SLBP: variants seen among roughly 807,000 people sequenced by gnomAD.
The protein encoded by SLBP is stem-loop histone mRNA binding protein, also known as histone RNA hairpin-binding protein.
Under a neutral mutation model 39.2 loss-of-function variants are expected in SLBP, and 29 were observed. That is an observed-to-expected ratio of 0.74 (90% confidence interval 0.55 to 1.01). The LOEUF (loss-of-function observed/expected upper bound fraction) is 1.01, where lower values mean the gene tolerates loss of function less well. SLBP is among the 50% of genes least tolerant of loss of function. SLBP has a pLI of 0.00. For synonymous variants in SLBP, 129 were observed against 118.7 expected (o/e 1.09, Z -0.57); for missense variants, 390 against 350.2 (o/e 1.11, Z -0.91).
In SLBP at chr4:1,692,852, CG is replaced by C. The variant is rs780979779; in HGVS notation, c.*744del. On this transcript the variant is annotated 3_prime_UTR_variant, in exon 8 of 8. Transcript: ENST00000489418. ...ATATCCCATACAAAAGCAATAGAAA[CG>C]TAACAGTCTTAACAAGAAGTTTACA... 1 of 152,644 alleles carries C rather than the reference CG, an allele frequency of 6.6e-6. No homozygotes were observed. Among genetic ancestry groups the C allele is most frequent in the East Asian group, 1.9e-4 (1 of 5,182 alleles). The allele number at this position is 152,644 out of a possible 1,614,324, so 9.5% of individuals were successfully genotyped here.
intron 2 of SLBP, among the ~76,000 whole-genome samples, chr4:1,711,048 C>CT (rs1243939791): frequency 1.4e-4 from 13 of 96,058 alleles, no homozygotes; most frequent in South Asian, 1.2e-3. Flanking sequence ...GAGACCCTGT[C>CT]TTTAAAAAAA....
Position 1,699,718 on chromosome 4 carries a change from T to C in SLBP, c.342-17A>G. On this transcript the variant is annotated splice_polypyrimidine_tract_variant and intron_variant, in intron 4 of 7. Transcript: ENST00000489418. ...GAATCAGAACTGAAAAAACAACAGA[T>C]TAACAGAATAAGCCCTGCAATTAAG... The C allele has an allele frequency of 6.2e-7, 1 of 1,611,954 alleles. No individual in the cohort carries two copies. The highest frequency in any genetic ancestry group is 1.1e-5 in the South Asian group (1 of 91,042).
intron 3 of SLBP, among the ~76,000 whole-genome samples, chr4:1,702,587 T>G (rs1467688998): frequency 6.6e-6 from 1 of 152,222 alleles, no homozygotes; most frequent in Non-Finnish European, 1.5e-5. Context: ...TTAACTGGGT[T>G]TGAATAAACC....
chr4:1,706,764 A>T (rs1482899745), intron 2 of SLBP, among the ~76,000 whole-genome samples: 1 of 151,878 alleles, frequency 6.6e-6, no homozygotes, highest in Non-Finnish European at 1.5e-5. Context: ...CACCAGGCGG[A>T]GTTGCAGTGA....
At chr4:1,710,644 T>C (rs1462876395) in intron 2 of SLBP, among the ~76,000 whole-genome samples, 2 of 152,074 alleles carry the variant, frequency 1.3e-5, no homozygotes, top group African/African-American at 4.8e-5. Flanking sequence ...AGGGGAATAG[T>C]CAATTATGTA....
At chr4:1,705,781 A>G (rs1396341482) in intron 2 of SLBP, among the ~76,000 whole-genome samples, 6 of 152,220 alleles carry the variant, frequency 3.9e-5, no homozygotes, top group Admixed American at 2.6e-4. Flanking sequence ...GTATTTATAC[A>G]TTGTGAGAAG....
rs373660431 is a variant in SLBP at position 1,701,934 on chromosome 4, G to A, written c.281+1662C>T. Among the ~76,000 whole-genome samples, 7 of 152,100 alleles carry A rather than the reference G, an allele frequency of 4.6e-5. 1 individual carries two copies. The highest frequency in any genetic ancestry group is 4.1e-4 in the South Asian group (2 of 4,828). On this transcript the variant is annotated intron_variant, in intron 3 of 7. Transcript: ENST00000489418. ...AAAAATAAGTAAGTAAATAAAAGCC[G>A]TAGCTTTCCATCACAAAGGGTATAA...
Position 1,711,866 on chromosome 4 carries a change from G to A in SLBP, c.176+8C>T, listed in dbSNP as rs1461318352. The A allele has an allele frequency of 7.7e-7, 1 of 1,301,874 alleles. No homozygotes were observed. The highest frequency in any genetic ancestry group is 9.8e-7 in the Non-Finnish European group (1 of 1,021,038). The allele number at this position is 1,301,874 out of a possible 1,614,324, so 80.6% of individuals were successfully genotyped here. A position where few individuals can be genotyped will look rare whatever the true frequency, so the allele number is the denominator to read the frequency against. Reference sequence around the variant, plus strand: ...CACCGCGCCCCGACCCCCGGGTCCCGCGCCCACCTCTCGGGTCTGCGCTCG... The same window carrying A: ...CACCGCGCCCCGACCCCCGGGTCCCACGCCCACCTCTCGGGTCTGCGCTCG... On this transcript the variant is annotated splice_region_variant and intron_variant, in intron 2 of 7. Transcript: ENST00000489418.
At chr4:1,696,852 G>A (rs1428334833) in intron 5 of SLBP, among the ~76,000 whole-genome samples, 4 of 150,348 alleles carry the variant, frequency 2.7e-5, no homozygotes, top group Admixed American at 6.6e-5. Flanking sequence ...AGCCGAGATC[G>A]TGCCACTGCA....
At chr4:1,711,394 C>A (rs1478045452) in intron 2 of SLBP, among the ~76,000 whole-genome samples, 1 of 152,158 alleles carries the variant, frequency 6.6e-6, no homozygotes. Context: ...CCACTACGAC[C>A]ACTGGCACCC....
At chr4:1,698,106 A>C (rs1716185973) in intron 5 of SLBP, among the ~76,000 whole-genome samples, 1 of 151,986 alleles carries the variant, frequency 6.6e-6, no homozygotes, top group South Asian at 2.1e-4. Context: ...TCACCCCTGT[A>C]ATCCCAGCAC....
At chr4:1,708,700 A>C (rs982034129) in intron 2 of SLBP, among the ~76,000 whole-genome samples, 2 of 152,238 alleles carry the variant, frequency 1.3e-5, no homozygotes, top group African/African-American at 4.8e-5. Context: ...TTATATTCAT[A>C]ATCTACCCTA....
At chr4:1,695,325 ATTGT>A (rs963461411) in intron 6 of SLBP, among the ~76,000 whole-genome samples, 3 of 152,200 alleles carry the variant, frequency 2.0e-5, no homozygotes, top group Admixed American at 6.5e-5. Flanking sequence ...AGAAACTCTA[ATTGT>A]TTGTTTAAAG....
intron 5 of SLBP, among the ~76,000 whole-genome samples, chr4:1,696,608 C>G (rs1025033900): frequency 6.6e-6 from 1 of 151,942 alleles, no homozygotes; most frequent in Non-Finnish European, 1.5e-5. Flanking sequence ...AACAAAAAAA[C>G]AGCTAGGGGC....
chr4:1,697,408 G>T (rs798721), intron 5 of SLBP, among the ~76,000 whole-genome samples: 2,719 of 152,102 alleles, frequency 0.018, 40 homozygotes, highest in South Asian at 0.064. Context: ...GGCGGAGGTT[G>T]CAGTGAGCCA....
chr4:1,700,228 G>C (rs1716274718), intron 3 of SLBP, 158 bp from the exon 4 acceptor site: 22 of 433,470 alleles, frequency 5.1e-5, no homozygotes, highest in South Asian at 4.5e-4. Flanking sequence ...AGTTTAAGTA[G>C]TGAGATCCAC....
intron 5 of SLBP, among the ~76,000 whole-genome samples, 200 bp from the exon 6 acceptor site, chr4:1,696,551 G>A (rs1716111017): frequency 6.6e-6 from 1 of 151,916 alleles, no homozygotes; most frequent in South Asian, 2.1e-4. Context: ...AATGGCCTGG[G>A]CAACACAGTG....
intron 5 of SLBP, among the ~76,000 whole-genome samples, chr4:1,697,023 T>C (rs1345729478): frequency 6.6e-6 from 1 of 151,582 alleles, no homozygotes; most frequent in African/African-American, 2.4e-5. Flanking sequence ...CCAGTCATGG[T>C]GGCTTATGCC....
Position 1,699,589 on chromosome 4 carries a change from C to A in SLBP, c.454G>T (p.Asp152Tyr). ...INYGKNTIAY[D>Y]RYIKEVPRHL... ...CTTGGGACTTCTTTAATATAACGAT[C>A]GTAGGCAATTGTGTTCTTCCCATAG... is the stretch of plus-strand genomic sequence containing the variant. Residue 152 changes from aspartate to tyrosine, a missense_variant, in exon 5 of 8, where the codon GAT (aspartate) becomes TAT (tyrosine). Transcript: ENST00000489418. 1 of 1,613,952 alleles carries A rather than the reference C, an allele frequency of 6.2e-7. No individual in the cohort carries two copies. The highest frequency in any genetic ancestry group is 8.5e-7 in the Non-Finnish European group (1 of 1,179,842).
Sources: allele counts gnomAD v4.1 joint callset (sites outside exome capture counted in the v4.1 genomes callset), GRCh38; gene constraint gnomAD v4.1.1; transcripts MANE v1.5; gene names NCBI Gene and HGNC (gene_info 2026-07-23, HGNC 2026-07-21).